Variants in ANKRD36B observed in about 807,000 individuals in gnomAD.
ANKRD36B encodes the protein ankyrin repeat domain 36B.
ANKRD36B carries 37 observed loss-of-function variants against 135.7 expected under a neutral mutation model. The observed-to-expected ratio is 0.27, with a 90% CI of 0.21 to 0.36. ANKRD36B has a LOEUF of 0.36. Among genes scored for constraint, ANKRD36B ranks in the 10% least tolerant of loss-of-function variants. The pLI, the probability that ANKRD36B is intolerant of heterozygous loss-of-function variation, is 1.00. For synonymous variants in ANKRD36B, 179 were observed against 348.1 expected, an observed-to-expected ratio of 0.51 and a Z score of 5.41; for missense variants, 549 against 1,037.1, an observed-to-expected ratio of 0.53 and a Z score of 6.46.
At chr2:97,551,077 C>G (rs1231952898) in intron 18 of ANKRD36B, among the ~76,000 whole-genome samples, 1 of 151,800 alleles carries the variant, frequency 6.6e-6, no homozygotes, top group African/African-American at 2.4e-5. Context: ...TTCTTCCTCC[C>G]AGTTGCAATG....
rs376165319 is a variant in ANKRD36B at position 97,554,533 on chromosome 2, C to T, written c.1171+527G>A. Among the ~76,000 whole-genome samples, 45 of 151,984 alleles carry T rather than the reference C, an allele frequency of 3.0e-4. No homozygotes were observed. The Middle Eastern group carries it at 0.014, about 46-fold the overall frequency. ...GCATCCGAAGTGAGTTCACTCAGGTCTCCTCAGCAGAAACCCCAAAATTAC... is the reference window on the plus strand; with the variant it reads ...GCATCCGAAGTGAGTTCACTCAGGTTTCCTCAGCAGAAACCCCAAAATTAC... On this transcript the variant is annotated intron_variant, in intron 14 of 43. Transcript: ENST00000359901.
intron 4 of ANKRD36B, among the ~76,000 whole-genome samples, chr2:97,579,480 T>C (rs2082441518): frequency 6.7e-6 from 1 of 148,646 alleles, no homozygotes; most frequent in Admixed American, 6.8e-5. Flanking sequence ...ATAGCTTCAG[T>C]TAATGATGCT....
chr2:97,583,873 TA>T (rs1347490074), intron 3 of ANKRD36B, among the ~76,000 whole-genome samples: 2 of 148,728 alleles, frequency 1.3e-5, no homozygotes, highest in Non-Finnish European at 3.0e-5. Context: ...GCACAGTTGA[TA>T]ATCACTTCAG....
At position 97,549,457 on chromosome 2, in the gene ANKRD36B, A is replaced by G. The variant is rs200418218; in HGVS notation, c.1439T>C (p.Ile480Thr). 0.019 allele frequency: 29,901 copies of G among 1,577,732 alleles called. 1,498 individuals carry two copies. Among genetic ancestry groups the G allele is most frequent in the African/African-American group, 0.13 (8,343 of 66,394 alleles). ...TTCTCCATCCTTTTTTTCTCTGGCT[A>G]TATTCAAAACAGAATCTTCCTTGAC... The part of the protein sequence containing the change: ...TSVKEDSVLN[I>T]AREKKDGEKS... Residue 480 changes from isoleucine to threonine, a missense_variant, in exon 20 of 44, where the codon ATA becomes ACA. By Grantham distance (89) the Ile-to-Thr change is moderately conservative. Coordinates refer to ENST00000359901, the MANE Select transcript of ANKRD36B (RefSeq NM_001393939.1).
intron 1 of ANKRD36B, among the ~76,000 whole-genome samples, chr2:97,585,772 C>G (rs1396346780): frequency 6.6e-6 from 1 of 152,066 alleles, no homozygotes; most frequent in African/African-American, 2.4e-5. Context: ...AATAACAGCT[C>G]AATAATTTTT....
At chr2:97,550,531 AGCTCC>A (rs1380862450) in intron 18 of ANKRD36B, among the ~76,000 whole-genome samples, 4 of 151,868 alleles carry the variant, frequency 2.6e-5, no homozygotes, top group African/African-American at 9.7e-5. Context: ...TACAAGAGGT[AGCTCC>A]TTGAACAAGG....
rs147175453 is a variant in ANKRD36B, at chr2:97,547,144, G to T, written c.1579+392C>A. On this transcript the variant is annotated intron_variant, in intron 22 of 43. Transcript: ENST00000359901. Reference sequence around the variant, plus strand: ...CCTTAGTTCTCCTACAGTGTCTACGGGTTGTTACAACAAGCTTTCTGTCTT... The same window carrying T: ...CCTTAGTTCTCCTACAGTGTCTACGTGTTGTTACAACAAGCTTTCTGTCTT... 1.3e-3 allele frequency: 263 copies of T among 197,148 alleles called. 1 individual carries two copies. Among genetic ancestry groups the T allele is most frequent in the African/African-American group, 6.0e-3 (252 of 41,856 alleles). 12.2% of individuals were successfully genotyped at this position (197,148 alleles called of 1,614,324 possible).
Position 97,527,191 on chromosome 2 carries a change from C to G in ANKRD36B, c.2266-3724G>C, listed in dbSNP as rs2078262986. On this transcript the variant is annotated intron_variant, in intron 35 of 43. Transcript: ENST00000359901. ...TACCCACAAAGGGAAGCCCATCAGA[C>G]TAACAGTGGATCTCTCGGCAGAAAC... Among the ~76,000 whole-genome samples, 2 of 96,386 alleles carry G rather than the reference C, an allele frequency of 2.1e-5. 1 individual carries two copies. 63.2% of individuals were successfully genotyped at this position (96,386 alleles called of 152,430 possible). A position where few individuals can be genotyped will look rare whatever the true frequency, so the allele number is the denominator to read the frequency against.
chr2:97,563,028 T>A lies in ANKRD36B; in HGVS notation c.764-2168A>T, dbSNP rs117747321. 6.6e-3 allele frequency among the ~76,000 whole-genome samples: 1,006 copies of A among 152,156 alleles called. 50 individuals are homozygous for A. The East Asian group carries it at 0.11, about 16-fold the overall frequency. ...CAGCAGACAGTACTGAGCAATAAAC[T>A]AGGATTTTCCAGGATATGAACACTT... On this transcript the variant is annotated intron_variant, in intron 6 of 43. Coordinates refer to ENST00000359901, the MANE Select transcript of ANKRD36B (RefSeq NM_001393939.1).
chr2:97,548,096 CAT>C (rs1438477893), intron 20 of ANKRD36B, among the ~76,000 whole-genome samples: 2 of 151,768 alleles, frequency 1.3e-5, no homozygotes, highest in Non-Finnish European at 3.0e-5. Flanking sequence ...CATGATCCCA[CAT>C]GTCTTTCATG....
rs533275327 is a variant in ANKRD36B at position 97,526,984 on chromosome 2, G to A, written c.2266-3517C>T. 3.8e-4 allele frequency among the ~76,000 whole-genome samples: 37 copies of A among 96,576 alleles called. 4 individuals carry two copies. The highest frequency in any genetic ancestry group is 1.2e-3 in the African/African-American group (37 of 32,140). The allele number at this position is 96,576 out of a possible 152,430, so 63.4% of individuals were successfully genotyped here. ...AACCAAGTTGGAAAACACTCTTCAG[G>A]ATATTATCCAGGAGAACTTCCCCAA... On this transcript the variant is annotated intron_variant, in intron 35 of 43. Coordinates refer to ENST00000359901, the MANE Select transcript of ANKRD36B (RefSeq NM_001393939.1).
chr2:97,553,330 A>G lies in ANKRD36B; in HGVS notation c.1200+13T>C, dbSNP rs1373270320. 4 of 1,609,490 alleles carry G rather than the reference A, an allele frequency of 2.5e-6. No individual in the cohort carries two copies. The highest frequency in any genetic ancestry group is 2.5e-6 in the Non-Finnish European group (3 of 1,178,570). On this transcript the variant is annotated intron_variant, in intron 15 of 43. Transcript: ENST00000359901. Reference sequence around the variant, plus strand: ...GATTTACTAGTTCACAACATAAATGAGAGTTCAATTACCTTCAAGGCTTGT... The same window carrying G: ...GATTTACTAGTTCACAACATAAATGGGAGTTCAATTACCTTCAAGGCTTGT...
chr2:97,531,378 G>A (rs2078589017), intron 35 of ANKRD36B, among the ~76,000 whole-genome samples: 1 of 56,352 alleles, frequency 1.8e-5, no homozygotes, highest in African/African-American at 5.1e-5. Context: ...GACACAGGAA[G>A]GGGAACATCA....
At chr2:97,577,255 G>A (rs1240583159) in intron 5 of ANKRD36B, among the ~76,000 whole-genome samples, 48 of 138,672 alleles carry the variant, frequency 3.5e-4, no homozygotes, top group African/African-American at 1.2e-3. Context: ...ATCTCCATCA[G>A]TGATGTTATC....
chr2:97,557,204 T>C, intron 10 of ANKRD36B, 72 bp from the exon 11 acceptor site: 1 of 1,498,098 alleles, frequency 6.7e-7, no homozygotes, highest in African/African-American at 1.4e-5. Flanking sequence ...TCATGCAGTG[T>C]TAGCATCAAG....
intron 3 of ANKRD36B, among the ~76,000 whole-genome samples, chr2:97,584,585 T>A (rs2082845074): frequency 6.6e-6 from 1 of 150,394 alleles, no homozygotes; most frequent in Non-Finnish European, 1.5e-5. Context: ...AAAGCCTATT[T>A]ATAAGGGACA....
intron 12 of ANKRD36B, among the ~76,000 whole-genome samples, 184 bp downstream of exon 12, chr2:97,556,753 T>C (rs953720679): frequency 1.3e-5 from 2 of 151,904 alleles, no homozygotes; most frequent in Non-Finnish European, 2.9e-5. Flanking sequence ...ATAAGCTTGT[T>C]ACTAAGATCA....
chr2:97,516,184 A>G (rs1245758800), intron 36 of ANKRD36B, among the ~76,000 whole-genome samples: 1 of 46,432 alleles, frequency 2.2e-5, no homozygotes, highest in South Asian at 3.6e-4. Context: ...AAACTCAGAT[A>G]GGTCCTGTAA....
At chr2:97,568,754 C>G (rs866266748) in intron 6 of ANKRD36B, among the ~76,000 whole-genome samples, 2 of 151,976 alleles carry the variant, frequency 1.3e-5, no homozygotes, top group South Asian at 2.1e-4. Flanking sequence ...ACTGGAGCTA[C>G]CAAGATGTGC....
Sources: gnomAD v4.1 joint callset for allele counts (sites outside exome capture counted in the v4.1 genomes callset) on GRCh38, gnomAD v4.1.1 for gene constraint, MANE v1.5 for transcripts, NCBI Gene and HGNC (gene_info 2026-07-23, HGNC 2026-07-21) for gene names.